PROX1: variants seen among roughly 807,000 people sequenced by gnomAD.
PROX1 encodes the protein prospero homeobox 1.
A neutral mutation model predicts 58.8 loss-of-function variants in PROX1; 7 were observed. The observed-to-expected ratio is 0.12, with a 90% CI of 0.07 to 0.22. The LOEUF is 0.22. PROX1 is among the 10% of genes least tolerant of loss of function. The probability of loss-of-function intolerance (pLI) is 1.00; values close to 1 mark genes in which losing one functional copy is unlikely to be tolerated. For synonymous variants in PROX1, 350 were observed against 358.3 expected, an observed-to-expected ratio of 0.98 and a Z score of 0.26; for missense variants, 675 against 927.8, an observed-to-expected ratio of 0.73 and a Z score of 3.54.
chr1:214,031,130 A>G (rs997576427), intron 4 of PROX1, among the ~76,000 whole-genome samples: 1 of 151,934 alleles, frequency 6.6e-6, no homozygotes, highest in South Asian at 2.1e-4. Context: ...GGCAGACTTG[A>G]AAACCTCCTC....
intron 1 of PROX1, among the ~76,000 whole-genome samples, chr1:213,991,609 A>G (rs1442999709): frequency 1.3e-5 from 2 of 152,066 alleles, no homozygotes; most frequent in Non-Finnish European, 2.9e-5. Context: ...ACCTTGTGGG[A>G]AAAAAAAGTC....
intron 4 of PROX1, among the ~76,000 whole-genome samples, chr1:214,024,189 T>C (rs779527398): frequency 5.3e-5 from 8 of 152,230 alleles, no homozygotes; most frequent in South Asian, 2.1e-4. Flanking sequence ...GCAATCTGCC[T>C]GTCTTTGCAA....
In PROX1 at chr1:214,005,158, A is replaced by G. The variant is rs747983046; in HGVS notation, c.1726-7A>G. On this transcript the variant is annotated splice_polypyrimidine_tract_variant and splice_region_variant and intron_variant, in intron 2 of 4. Transcript: ENST00000366958. The stretch of plus-strand genomic sequence containing the variant: ...GAATTGCTTTTCCTTAACCAATTGC[A>G]TCCTACATGCAGGAAGGATTGTCAC... 5 of 1,610,380 alleles carry G rather than the reference A, an allele frequency of 3.1e-6. No individual in the cohort carries two copies. In the Admixed American group the frequency reaches 8.3e-5, roughly 27 times the overall value.
chr1:214,000,796 A>G (rs1663480306), intron 2 of PROX1, among the ~76,000 whole-genome samples: 1 of 152,080 alleles, frequency 6.6e-6, no homozygotes, highest in Non-Finnish European at 1.5e-5. Flanking sequence ...TCCTGTCTCT[A>G]CCTCTGTATG....
intron 1 of PROX1, among the ~76,000 whole-genome samples, chr1:213,990,145 A>G (rs868455713): frequency 0.012 from 1,778 of 151,468 alleles, 45 homozygotes; most frequent in African/African-American, 0.041. Flanking sequence ...AAAAAAAAAA[A>G]AAAAAGAAAG....
rs1663912740 is a variant in PROX1 at position 214,011,654 on chromosome 1, C to T, written c.1967C>T (p.Thr656Ile). ...GVTSTEELSI[T>I]RDCELYRALN... ...ACCAGTACTGAAGAGCTGTCTATAACCAGAGACTGTGAGCTGTACAGGGCT... is the reference window on the plus strand; with the variant it reads ...ACCAGTACTGAAGAGCTGTCTATAATCAGAGACTGTGAGCTGTACAGGGCT... Residue 656 changes from threonine (T) to isoleucine (I), a missense_variant, in exon 4 of 5, where the codon ACC (threonine) becomes ATC (isoleucine). Thr to Ile is a moderately conservative substitution (Grantham distance 89). This residue lies in a region of PROX1 where 50 missense variants were observed against 79.3 expected (regional missense o/e 0.63). Coordinates refer to ENST00000366958, the MANE Select transcript of PROX1 (RefSeq NM_001270616.2). 6.2e-7 allele frequency: 1 copy of T among 1,614,068 alleles called. No homozygotes were observed. Among genetic ancestry groups the T allele is most frequent in the Non-Finnish European group, 8.5e-7 (1 of 1,179,960 alleles).
At chr1:213,999,033 CAA>C (rs1472885545) in intron 2 of PROX1, among the ~76,000 whole-genome samples, 1 of 152,140 alleles carries the variant, frequency 6.6e-6, no homozygotes, top group Admixed American at 6.5e-5. Context: ...CCAACATACA[CAA>C]AGCAAATTAT....
upstream of PROX1, chr1:213,984,236 CT>C (rs1475025990): frequency 3.3e-5 from 5 of 152,228 alleles, no homozygotes; most frequent in African/African-American, 7.2e-5. Flanking sequence ...GAGTGATTTT[CT>C]TCGAGGTCAA....
chr1:214,031,582 C>T (rs1289593170), intron 4 of PROX1, among the ~76,000 whole-genome samples: 1 of 152,086 alleles, frequency 6.6e-6, no homozygotes, highest in East Asian at 1.9e-4. Context: ...AGGGTTCATT[C>T]TGCAGATTGT....
chr1:214,014,576 T>A (rs1664028460), intron 4 of PROX1, among the ~76,000 whole-genome samples: 1 of 152,236 alleles, frequency 6.6e-6, no homozygotes. Context: ...TAGGCACTCT[T>A]CTAAGTGTTT....
chr1:213,993,465 C>T (rs553316661), intron 1 of PROX1, among the ~76,000 whole-genome samples: 2 of 152,226 alleles, frequency 1.3e-5, no homozygotes, highest in South Asian at 2.1e-4. Flanking sequence ...CCTTTAAATT[C>T]TGAACTGGAA....
chr1:214,015,855 C>A (rs916520198), intron 4 of PROX1, among the ~76,000 whole-genome samples: 4 of 152,128 alleles, frequency 2.6e-5, no homozygotes, highest in Admixed American at 1.3e-4. Context: ...CATGGTAAGC[C>A]ACACATCCCT....
intron 2 of PROX1, among the ~76,000 whole-genome samples, chr1:213,999,572 G>C (rs1663418171): frequency 6.7e-6 from 1 of 148,526 alleles, no homozygotes; most frequent in South Asian, 2.2e-4. Context: ...TGAACTACTA[G>C]GGCCCTAATC....
At chr1:214,016,197 C>T (rs1402908763) in intron 4 of PROX1, among the ~76,000 whole-genome samples, 2 of 152,018 alleles carry the variant, frequency 1.3e-5, no homozygotes, top group Non-Finnish European at 2.9e-5. Context: ...AAACAACACC[C>T]CACCCCACCC....
intron 2 of PROX1, among the ~76,000 whole-genome samples, chr1:213,998,588 G>A (rs4655315): frequency 0.29 from 44,379 of 151,928 alleles, 7,496 homozygotes; most frequent in African/African-American, 0.46. Flanking sequence ...AAAAAATAAA[G>A]AAGTAGATTT....
intron 1 of PROX1, among the ~76,000 whole-genome samples, chr1:213,990,133 T>TAAA (rs5780750): frequency 7.6e-6 from 1 of 131,696 alleles, no homozygotes; most frequent in African/African-American, 2.9e-5. Flanking sequence ...CTCCCTTATT[T>TAAA]AAAAAAAAAA....
intron 4 of PROX1, among the ~76,000 whole-genome samples, chr1:214,021,618 C>A (rs1366666626): frequency 6.6e-6 from 1 of 152,226 alleles, no homozygotes; most frequent in African/African-American, 2.4e-5. Flanking sequence ...CAGCAGAACT[C>A]CAGGTGTGGG....
chr1:214,020,932 A>G (rs754384616), intron 4 of PROX1, among the ~76,000 whole-genome samples: 1 of 152,242 alleles, frequency 6.6e-6, no homozygotes, highest in Non-Finnish European at 1.5e-5. Context: ...ATGAGTTGCC[A>G]CATTGTACCG....
At chr1:213,995,823 A>G (rs894382243) in intron 1 of PROX1, among the ~76,000 whole-genome samples, 4 of 152,234 alleles carry the variant, frequency 2.6e-5, no homozygotes, top group African/African-American at 9.6e-5. Context: ...CAGACTTATA[A>G]AATGACTATT....
Sources: allele counts gnomAD v4.1 joint callset (sites outside exome capture counted in the v4.1 genomes callset), GRCh38; gene constraint gnomAD v4.1.1; regional missense constraint gnomAD v4.1.1; transcripts MANE v1.5; gene names NCBI Gene and HGNC (gene_info 2026-07-23, HGNC 2026-07-21).